The following STARD10 variants were observed in gnomAD, a reference collection of about 807,000 sequenced individuals.
The protein encoded by STARD10 is StAR related lipid transfer domain containing 10.
A neutral mutation model predicts 36.0 loss-of-function variants in STARD10; 24 were observed. That is an observed-to-expected ratio of 0.67 (90% confidence interval 0.48 to 0.94). STARD10 has a LOEUF of 0.94. Among genes scored for constraint, STARD10 ranks in the 40% least tolerant of loss-of-function variants. STARD10 has a pLI of 0.00. For missense variants in STARD10, 335 were observed against 396.6 expected (o/e 0.84, Z 1.32); for synonymous variants, 156 against 161.9 (o/e 0.96, Z 0.28).
At chr11:72,787,806 G>T (rs1859093171) in intron 1 of STARD10, among the ~76,000 whole-genome samples, 1 of 152,242 alleles carries the variant, frequency 6.6e-6, no homozygotes, top group Non-Finnish European at 1.5e-5. Flanking sequence ...CTCCACCAAG[G>T]TGGGCAAGAA....
rs563735605 is a variant in STARD10 at position 72,777,177 on chromosome 11, G to A, written c.207+3798C>T. Among the ~76,000 whole-genome samples, 25 of 152,384 alleles carry A rather than the reference G, an allele frequency of 1.6e-4. 1 individual carries two copies. In the South Asian group the frequency reaches 2.1e-3, roughly 13 times the overall value. ...TCTCCACCAGGGTCTGAAGACCTCT[G>A]AGGAGATACGCAGGTCTCCCCTGCC... On this transcript the variant is annotated intron_variant, in intron 2 of 6. Transcript: ENST00000334805.
intron 2 of STARD10, among the ~76,000 whole-genome samples, chr11:72,768,111 C>T (rs1858815258): frequency 6.6e-6 from 1 of 152,206 alleles, no homozygotes; most frequent in African/African-American, 2.4e-5. Context: ...CTCTCTCACA[C>T]CCCACACAGA....
intron 2 of STARD10, among the ~76,000 whole-genome samples, chr11:72,767,685 G>A (rs975058336): frequency 2.6e-5 from 4 of 152,188 alleles, no homozygotes; most frequent in African/African-American, 9.7e-5. Flanking sequence ...AGAACCCAGT[G>A]CTGGGGCTCC....
intron 1 of STARD10, chr11:72,782,232 G>C (rs777080177): frequency 6.6e-6 from 1 of 152,360 alleles, no homozygotes; most frequent in Non-Finnish European, 1.5e-5. Context: ...ATCCAAAGAT[G>C]GGCACACACC....
rs141804900 is a variant in STARD10, at chr11:72,779,640, C to A, written c.207+1335G>T. ...GTCCCTGCTCTCAGGGAACAACCAG[C>A]TGGGACATGCCAGCTGCCTTCCCCA... is the stretch of plus-strand genomic sequence containing the variant. On this transcript the variant is annotated intron_variant, in intron 2 of 6. Coordinates refer to ENST00000334805, the MANE Select transcript of STARD10 (RefSeq NM_006645.3). Among the ~76,000 whole-genome samples the A allele has an allele frequency of 9.8e-3, 1,487 of 152,142 alleles. 19 individuals carry two copies. Among genetic ancestry groups the A allele is most frequent in the African/African-American group, 0.032 (1,329 of 41,488 alleles).
intron 2 of STARD10, among the ~76,000 whole-genome samples, chr11:72,768,531 C>T (rs1858820468): frequency 2.0e-5 from 3 of 152,206 alleles, no homozygotes; most frequent in Admixed American, 2.0e-4. Context: ...GAGGTCTGCT[C>T]AGTGCTGTCA....
chr11:72,787,633 C>G (rs574066516), intron 1 of STARD10, among the ~76,000 whole-genome samples: 1 of 152,244 alleles, frequency 6.6e-6, no homozygotes, highest in Non-Finnish European at 1.5e-5. Context: ...AGTTCGATTG[C>G]GGGGTCGATG....
chr11:72,780,998 C>T lies in STARD10; in HGVS notation c.184G>A (p.Asp62Asn), dbSNP rs369599250. Residue 62 changes from aspartate (D) to asparagine (N), a missense_variant, in exon 2 of 7, where the codon GAT becomes AAT. By Grantham distance (23) the Asp-to-Asn change is conservative. Coordinates refer to ENST00000334805, the MANE Select transcript of STARD10 (RefSeq NM_006645.3). ...ACCTTGATCTTGTGCAGCGTCCGATCCATCTCCACAGCCTGCACCCAGACA... is the reference window on the plus strand; with the variant it reads ...ACCTTGATCTTGTGCAGCGTCCGATTCATCTCCACAGCCTGCACCCAGACA... The part of the protein sequence containing the change: ...VSVWVQAVEM[D>N]RTLHKIKCRM... 2.5e-6 allele frequency: 4 copies of T among 1,614,068 alleles called. No individual in the cohort carries two copies. The African/African-American group carries it at 4.0e-5, about 16-fold the overall frequency.
intron 2 of STARD10, 55 bp downstream of exon 2, chr11:72,780,920 G>A (rs536554156): frequency 4.5e-6 from 7 of 1,573,000 alleles, no homozygotes; most frequent in Admixed American, 3.3e-5. Flanking sequence ...AGGAGACTCC[G>A]GGAGAGAGGC....
chr11:72,769,823 GTAAGAGTGACATCACCC>G (rs1858834891), intron 2 of STARD10, among the ~76,000 whole-genome samples: 1 of 152,190 alleles, frequency 6.6e-6, no homozygotes, highest in African/African-American at 2.4e-5. Context: ...CCCAGTTCGG[GTAAGAGTGACATCACCC>G]TAATGATGAC....
intron 3 of STARD10, among the ~76,000 whole-genome samples, chr11:72,758,973 G>C (rs559867603): frequency 6.6e-6 from 1 of 152,236 alleles, no homozygotes; most frequent in Admixed American, 6.5e-5. Context: ...ATGTGGGTGG[G>C]GGCTGTGTGC....
chr11:72,771,802 G>T (rs1028807300), intron 2 of STARD10, among the ~76,000 whole-genome samples: 4 of 152,244 alleles, frequency 2.6e-5, no homozygotes, highest in East Asian at 3.9e-4. Flanking sequence ...TTCTATCCTG[G>T]GGGGGCGAGG....
At chr11:72,782,789 G>C (rs2135626385) in intron 1 of STARD10, among the ~76,000 whole-genome samples, 1 of 152,308 alleles carries the variant, frequency 6.6e-6, no homozygotes, top group South Asian at 2.1e-4. Context: ...TGTGTGAACT[G>C]AGGCCAGTAG....
intron 2 of STARD10, among the ~76,000 whole-genome samples, chr11:72,775,907 T>TC (rs1858924811): frequency 6.6e-6 from 1 of 152,010 alleles, no homozygotes; most frequent in Non-Finnish European, 1.5e-5. Flanking sequence ...TGGTGTTCTT[T>TC]CCCCAACATC....
In STARD10 at chr11:72,772,068, C is replaced by A. The variant is rs1591267639; in HGVS notation, c.207+8907G>T. Among the ~76,000 whole-genome samples the A allele has an allele frequency of 3.9e-5, 6 of 152,368 alleles. No homozygotes were observed. In the East Asian group the frequency reaches 9.6e-4, roughly 24 times the overall value. On this transcript the variant is annotated intron_variant, in intron 2 of 6. Transcript: ENST00000334805. ...AGCCCCCAGAGCACCACACCCTGGGCAGCCCACGGATGTCTCCCGCTCCCC... is the reference window on the plus strand; with the variant it reads ...AGCCCCCAGAGCACCACACCCTGGGAAGCCCACGGATGTCTCCCGCTCCCC...
intron 2 of STARD10, among the ~76,000 whole-genome samples, chr11:72,759,725 G>A (rs1289931815): frequency 6.6e-6 from 1 of 152,174 alleles, no homozygotes. Flanking sequence ...CGTGGGCAGA[G>A]GCTCATGGTT....
At chr11:72,779,675 C>T (rs771148748) in intron 2 of STARD10, among the ~76,000 whole-genome samples, 1 of 152,180 alleles carries the variant, frequency 6.6e-6, no homozygotes, top group Non-Finnish European at 1.5e-5. Context: ...ATCCCTGCTC[C>T]TCAGGCTCAG....
chr11:72,762,071 A>G (rs1477378860), intron 2 of STARD10, among the ~76,000 whole-genome samples: 2 of 151,124 alleles, frequency 1.3e-5, no homozygotes, highest in Non-Finnish European at 2.9e-5. Flanking sequence ...GATTATAGGC[A>G]CCCACCATCA....
chr11:72,771,623 CTGAG>C (rs1858859735), intron 2 of STARD10, among the ~76,000 whole-genome samples: 1 of 152,136 alleles, frequency 6.6e-6, no homozygotes, highest in Admixed American at 6.5e-5. Flanking sequence ...CCATGCAGGG[CTGAG>C]TGACTCATCC....
Sources: gnomAD v4.1 joint callset for allele counts (sites outside exome capture counted in the v4.1 genomes callset) on GRCh38, gnomAD v4.1.1 for gene constraint, MANE v1.5 for transcripts, NCBI Gene and HGNC (gene_info 2026-07-23, HGNC 2026-07-21) for gene names.